The following DCLRE1C variants were observed in gnomAD, a reference collection of about 807,000 sequenced individuals.
DCLRE1C encodes protein artemis.
In DCLRE1C, 47 loss-of-function variants were observed where a neutral mutation model predicts 61.4. That is an observed-to-expected ratio of 0.77 (90% CI 0.61 to 0.98). The LOEUF is 0.98. Ranked by LOEUF, DCLRE1C falls within the 50% of genes least tolerant of loss-of-function variation. DCLRE1C has a pLI of 0.00. For missense variants in DCLRE1C, 858 were observed against 816.0 expected, an observed-to-expected ratio of 1.05 and a Z score of -0.63; for synonymous variants, 337 against 287.6, an observed-to-expected ratio of 1.17 and a Z score of -1.74.
In DCLRE1C at chr10:14,908,165, CT is replaced by C. The variant is rs750020058; in HGVS notation, c.*242del. 4,962 of 197,300 alleles carry C rather than the reference CT, an allele frequency of 0.025. 39 individuals carry two copies. The highest frequency in any genetic ancestry group is 0.089 in the African/African-American group (1,718 of 19,354). The allele number at this position is 197,300 out of a possible 1,614,324, so 12.2% of individuals were successfully genotyped here. Reference sequence around the variant, plus strand: ...CAGAGTAGCCCACCACCATGCCTGGCTTTTTTTTTTTTTTTTTTTTTTGTAA... The same window carrying C: ...CAGAGTAGCCCACCACCATGCCTGGCTTTTTTTTTTTTTTTTTTTTTGTAA... On this transcript the variant is annotated 3_prime_UTR_variant, in exon 14 of 14. Coordinates refer to ENST00000378278, the MANE Select transcript of DCLRE1C (RefSeq NM_001033855.3).
intron 4 of DCLRE1C, 110 bp from the exon 5 acceptor site, chr10:14,936,703 CT>C: frequency 4.1e-6 from 3 of 737,354 alleles, no homozygotes; most frequent in South Asian, 1.6e-5. Context: ...AACAATGTGC[CT>C]TTTCTCCCAA....
chr10:14,907,727 CT>C lies in DCLRE1C; in HGVS notation c.*680del, dbSNP rs1312985693. Among the ~76,000 whole-genome samples the C allele has an allele frequency of 2.0e-5, 3 of 151,994 alleles. No homozygotes were observed. The highest frequency in any genetic ancestry group is 4.4e-5 in the Non-Finnish European group (3 of 68,000). On this transcript the variant is annotated 3_prime_UTR_variant, in exon 14 of 14. Coordinates refer to ENST00000378278, the MANE Select transcript of DCLRE1C (RefSeq NM_001033855.3). ...TTAACCTATCAATCACTTGAATTGACTTTCTTTATAGACAGCAGATCACTGG... is the reference window on the plus strand; with the variant it reads ...TTAACCTATCAATCACTTGAATTGACTTCTTTATAGACAGCAGATCACTGG...
At chr10:14,919,660 T>G in intron 13 of DCLRE1C, 78 bp downstream of exon 13, 1 of 1,156,466 alleles carries the variant, frequency 8.6e-7, no homozygotes, top group Non-Finnish European at 1.3e-6. Flanking sequence ...CCAAGGCCAC[T>G]TCTCCCAGAC....
At chr10:14,928,623 T>G (rs1259048023) in intron 9 of DCLRE1C, among the ~76,000 whole-genome samples, 1 of 152,140 alleles carries the variant, frequency 6.6e-6, no homozygotes, top group African/African-American at 2.4e-5. Context: ...AAAATGTTCT[T>G]ATTCTCAAGA....
At chr10:14,918,006 A>G (rs1394484261) in intron 13 of DCLRE1C, among the ~76,000 whole-genome samples, 1 of 152,192 alleles carries the variant, frequency 6.6e-6, no homozygotes, top group Non-Finnish European at 1.5e-5. Flanking sequence ...AAAAAGTCTA[A>G]CCATACCAAG....
At position 14,926,849 on chromosome 10, in the gene DCLRE1C, G is replaced by A. The variant is rs753622686; in HGVS notation, c.966C>T (p.Tyr322=). ...GTATATGGGATCCTCTTACCTCACT[G>A]TAGGAGGAGTGAAAAGAAAAACAAG... ...YRACFSFHSS[Y]SEIKDFLSYL... is the part of the protein sequence containing the mutation. Residue 322 remains tyrosine, a synonymous_variant, in exon 11 of 14, where the codon TAC becomes TAT. Coordinates refer to ENST00000378278, the MANE Select transcript of DCLRE1C (RefSeq NM_001033855.3). 2.5e-6 allele frequency: 4 copies of A among 1,612,740 alleles called. No individual in the cohort carries two copies. The South Asian group carries it at 4.4e-5, about 18-fold the overall frequency.
At chr10:14,933,836 G>A (rs1272804193) in intron 8 of DCLRE1C, among the ~76,000 whole-genome samples, 1 of 152,150 alleles carries the variant, frequency 6.6e-6, no homozygotes, top group Non-Finnish European at 1.5e-5. Flanking sequence ...GAAGGCTCTT[G>A]TAAGCCATTT....
At chr10:14,936,883 T>C (rs1374626537) in intron 4 of DCLRE1C, among the ~76,000 whole-genome samples, 2 of 152,186 alleles carry the variant, frequency 1.3e-5, no homozygotes, top group Non-Finnish European at 2.9e-5. Context: ...TTCTTCATAC[T>C]AGCCAAAAGG....
chr10:14,911,485 C>T (rs911295764), intron 13 of DCLRE1C, among the ~76,000 whole-genome samples: 2 of 152,062 alleles, frequency 1.3e-5, no homozygotes, highest in Admixed American at 6.5e-5. Context: ...AACAAATTAT[C>T]AGAAATTCAA....
intron 13 of DCLRE1C, among the ~76,000 whole-genome samples, chr10:14,911,601 T>G (rs565962333): frequency 6.6e-6 from 1 of 152,066 alleles, no homozygotes; most frequent in Non-Finnish European, 1.5e-5. Flanking sequence ...CCAAAGCATA[T>G]GCAATAAAAG....
At chr10:14,924,515 C>T (rs1426440352) in intron 11 of DCLRE1C, among the ~76,000 whole-genome samples, 1 of 152,130 alleles carries the variant, frequency 6.6e-6, no homozygotes, top group Non-Finnish European at 1.5e-5. Flanking sequence ...TGAGATTATG[C>T]ATGTGAAGTG....
chr10:14,900,726 G>A (rs548749499), downstream of DCLRE1C, among the ~76,000 whole-genome samples: 1 of 152,242 alleles, frequency 6.6e-6, no homozygotes, highest in East Asian at 1.9e-4. Context: ...CTGTAGTGCA[G>A]ATTTGATTTT....
chr10:14,923,053 C>A lies in DCLRE1C; in HGVS notation c.989G>T (p.Ser330Ile). Residue 330 changes from serine to isoleucine, a missense_variant, in exon 12 of 14, where the codon AGC (serine) becomes ATC (isoleucine). By Grantham distance (142) the Ser-to-Ile change is moderately radical. Around this residue, in one of 2 missense-constraint regions of DCLRE1C, gnomAD observed 843 missense variants for 783.5 expected, o/e 1.08. Transcript: ENST00000378278. ...ATATGCGTTCACAGGACAGAGGTAGCTCAAGAAATCTTTAATCTAGAAAAA... is the reference window on the plus strand; with the variant it reads ...ATATGCGTTCACAGGACAGAGGTAGATCAAGAAATCTTTAATCTAGAAAAA... ...SSYSEIKDFL[S>I]YLCPVNAYPN... The A allele has an allele frequency of 6.2e-7, 1 of 1,613,840 alleles. No individual in the cohort carries two copies. Among genetic ancestry groups the A allele is most frequent in the South Asian group, 1.1e-5 (1 of 91,078 alleles).
intron 12 of DCLRE1C, among the ~76,000 whole-genome samples, chr10:14,921,942 A>T (rs188945012): frequency 5.9e-5 from 9 of 152,174 alleles, no homozygotes; most frequent in Non-Finnish European, 8.8e-5. Flanking sequence ...TTCCATCGAC[A>T]TCTGCAAGCC....
downstream of DCLRE1C, chr10:14,902,506 C>G: frequency 6.4e-7 from 1 of 1,568,772 alleles, no homozygotes. Flanking sequence ...GAGGTTACCT[C>G]AACTGAACTT....
chr10:14,901,650 G>A (rs1834026156), downstream of DCLRE1C, among the ~76,000 whole-genome samples: 2 of 151,774 alleles, frequency 1.3e-5, no homozygotes, highest in Non-Finnish European at 2.9e-5. Context: ...GGGCAACATG[G>A]TGAAACTCTG....
intron 9 of DCLRE1C, among the ~76,000 whole-genome samples, chr10:14,931,232 G>A (rs533335245): frequency 7.0e-4 from 107 of 152,272 alleles, no homozygotes; most frequent in Middle Eastern, 6.8e-3. Flanking sequence ...TGTACTCAGC[G>A]TTTGACAAGA....
chr10:14,919,500 A>C (rs1008468170), intron 13 of DCLRE1C, among the ~76,000 whole-genome samples: 4 of 152,200 alleles, frequency 2.6e-5, no homozygotes, highest in African/African-American at 9.7e-5. Flanking sequence ...AGCTGAGAAC[A>C]CCACACACGA....
At position 14,943,700 on chromosome 10, in the gene DCLRE1C, C is replaced by T. The variant is rs41296954; in HGVS notation, c.246+1405G>A. Reference sequence around the variant, plus strand: ...CCCAAGGAGCTGGGACTACAGGCACCGCCACCACACCCAATTTTTTGCATT... The same window carrying T: ...CCCAAGGAGCTGGGACTACAGGCACTGCCACCACACCCAATTTTTTGCATT... On this transcript the variant is annotated intron_variant, in intron 3 of 13. Coordinates refer to ENST00000378278, the MANE Select transcript of DCLRE1C (RefSeq NM_001033855.3). 8.5e-3 allele frequency among the ~76,000 whole-genome samples: 1,299 copies of T among 152,174 alleles called. 16 individuals are homozygous for T. Among genetic ancestry groups the T allele is most frequent in the African/African-American group, 0.03 (1,229 of 41,524 alleles).
Sources: gnomAD v4.1 joint callset for allele counts (sites outside exome capture counted in the v4.1 genomes callset) on GRCh38, gnomAD v4.1.1 for gene constraint, gnomAD v4.1.1 regional missense constraint, MANE v1.5 for transcripts, NCBI Gene and HGNC (gene_info 2026-07-23, HGNC 2026-07-21) for gene names.